The following STX18 variants were observed in gnomAD, a reference collection of about 807,000 sequenced individuals.
The protein encoded by STX18 is syntaxin 18.
A neutral mutation model predicts 50.1 loss-of-function variants in STX18; 40 were observed. The observed-to-expected ratio is 0.80, with a 90% CI of 0.62 to 1.04. STX18 has a LOEUF of 1.04. Ranked by LOEUF, STX18 falls within the 50% of genes least tolerant of loss-of-function variation. STX18 has a pLI of 0.00. For synonymous variants in STX18, 158 were observed against 151.8 expected, an observed-to-expected ratio of 1.04 and a Z score of -0.30; for missense variants, 410 against 415.8, an observed-to-expected ratio of 0.99 and a Z score of 0.12.
At chr4:4,434,717 CA>C in intron 7 of STX18, 52 bp downstream of exon 7, 1 of 1,462,758 alleles carries the variant, frequency 6.8e-7, no homozygotes, top group Non-Finnish European at 9.4e-7. Flanking sequence ...CTTAGTGAAA[CA>C]GTCTTATGAA....
chr4:4,468,265 A>G (rs555388519), intron 2 of STX18, among the ~76,000 whole-genome samples: 1 of 152,176 alleles, frequency 6.6e-6, no homozygotes, highest in South Asian at 2.1e-4. Flanking sequence ...CTTTCTCACC[A>G]TACATTCCCT....
intron 2 of STX18, among the ~76,000 whole-genome samples, chr4:4,468,065 T>C (rs192959331): frequency 6.6e-6 from 1 of 152,364 alleles, no homozygotes; most frequent in Admixed American, 6.5e-5. Context: ...TGACTTGCCA[T>C]TTCACATTTG....
intron 2 of STX18, 62 bp from the exon 3 acceptor site, chr4:4,459,549 G>A: frequency 8.0e-7 from 1 of 1,247,066 alleles, no homozygotes; most frequent in Non-Finnish European, 1.2e-6. Flanking sequence ...GTCTGAGTGG[G>A]ATGGGAAGAG....
intron 5 of STX18, among the ~76,000 whole-genome samples, chr4:4,444,386 G>C (rs552409105): frequency 1.3e-5 from 2 of 152,316 alleles, no homozygotes; most frequent in East Asian, 1.9e-4. Context: ...GGAGGGGCTG[G>C]AGACTGAGTT....
chr4:4,425,084 G>A (rs907690773), intron 8 of STX18, 80 bp downstream of exon 8: 3 of 1,340,918 alleles, frequency 2.2e-6, no homozygotes, highest in African/African-American at 1.4e-5. Context: ...GGATGCCTGG[G>A]CACCAAGGTA....
chr4:4,421,347 C>G, intron 9 of STX18, among the ~76,000 whole-genome samples: 1 of 151,528 alleles, frequency 6.6e-6, no homozygotes. Flanking sequence ...TGAGACAGGG[C>G]TTAAACGATC....
At chr4:4,421,664 A>G (rs990586533) in intron 9 of STX18, among the ~76,000 whole-genome samples, 5 of 152,214 alleles carry the variant, frequency 3.3e-5, no homozygotes, top group African/African-American at 1.2e-4. Flanking sequence ...AGCAGCCACC[A>G]TATGCCAGGG....
intron 7 of STX18, among the ~76,000 whole-genome samples, chr4:4,431,102 C>T (rs1238195828): frequency 6.6e-6 from 1 of 151,738 alleles, no homozygotes; most frequent in African/African-American, 2.4e-5. Context: ...CAGAGAAAGG[C>T]AAAAATCCTC....
At chr4:4,468,483 C>T (rs926099336) in intron 2 of STX18, among the ~76,000 whole-genome samples, 6 of 152,066 alleles carry the variant, frequency 3.9e-5, no homozygotes, top group Admixed American at 6.5e-5. Context: ...AGACCTAGTA[C>T]GCAGCATCGC....
At chr4:4,516,098 C>T (rs568252848) in intron 1 of STX18, among the ~76,000 whole-genome samples, 9 of 152,220 alleles carry the variant, frequency 5.9e-5, no homozygotes, top group African/African-American at 1.9e-4. Context: ...CTAGACAAAA[C>T]CCTATGTTTG....
chr4:4,438,607 G>C, intron 5 of STX18, 98 bp from the exon 6 acceptor site: 1 of 960,688 alleles, frequency 1.0e-6, no homozygotes. Context: ...CTTTTGCTCT[G>C]TGTCCCTGTA....
intron 2 of STX18, among the ~76,000 whole-genome samples, chr4:4,468,206 T>A (rs528165792): frequency 1.3e-5 from 2 of 152,208 alleles, no homozygotes; most frequent in Non-Finnish European, 2.9e-5. Flanking sequence ...TCCTTAGTCT[T>A]AGAATACAGC....
chr4:4,542,191 C>T, upstream of STX18: 1 of 506,924 alleles, frequency 2.0e-6, no homozygotes, highest in Non-Finnish European at 3.4e-6. Context: ...GACGCGCTCT[C>T]GGGCATCGGT....
intron 5 of STX18, among the ~76,000 whole-genome samples, chr4:4,442,322 T>A (rs1230844351): frequency 2.7e-5 from 4 of 150,728 alleles, no homozygotes; most frequent in Non-Finnish European, 5.9e-5. Flanking sequence ...ACCACACATA[T>A]GAAAAAAAAA....
rs999816276 is a variant in STX18, at chr4:4,531,420, T to C, written c.168+10377A>G. ...TTACATTTCTTTTTAAGGTTATTAC[T>C]AGAAACTCTTTTTGTTGCTACTATA... On this transcript the variant is annotated intron_variant, in intron 1 of 10. Transcript: ENST00000306200. Among the ~76,000 whole-genome samples, 6 of 152,236 alleles carry C rather than the reference T, an allele frequency of 3.9e-5. No homozygotes were observed. The East Asian group carries it at 9.6e-4, about 24-fold the overall frequency.
intron 1 of STX18, among the ~76,000 whole-genome samples, chr4:4,488,107 C>T (rs1402560855): frequency 4.6e-5 from 7 of 151,958 alleles, no homozygotes; most frequent in Admixed American, 2.0e-4. Flanking sequence ...GTCTCTATGA[C>T]AAGCAGGTAA....
At chr4:4,507,441 A>C (rs868326864) in intron 1 of STX18, 1 of 760,032 alleles carries the variant, frequency 1.3e-6, no homozygotes, top group Non-Finnish European at 2.5e-6. Flanking sequence ...TCCGGCTAGT[A>C]TGCGAACTGG....
chr4:4,509,823 A>G (rs1729915708), intron 1 of STX18, among the ~76,000 whole-genome samples: 1 of 152,152 alleles, frequency 6.6e-6, no homozygotes, highest in African/African-American at 2.4e-5. Context: ...AAGGAGAAGT[A>G]AAAGTTATGC....
At chr4:4,485,577 T>G (rs1420033186) in intron 1 of STX18, among the ~76,000 whole-genome samples, 1 of 152,064 alleles carries the variant, frequency 6.6e-6, no homozygotes, top group African/African-American at 2.4e-5. Flanking sequence ...TCGCAGGCAG[T>G]AAGCAAGATA....
Sources: gnomAD v4.1 joint callset for allele counts (sites outside exome capture counted in the v4.1 genomes callset) on GRCh38, gnomAD v4.1.1 for gene constraint, MANE v1.5 for transcripts, NCBI Gene and HGNC (gene_info 2026-07-23, HGNC 2026-07-21) for gene names.